The following RPSA2 variants were observed in gnomAD, a reference collection of about 807,000 sequenced individuals.
RPSA2 encodes small ribosomal subunit protein uS2B.
chr19:23,773,439 A>G, the RPSA2 span, among the ~76,000 whole-genome samples: 33 of 152,074 alleles, frequency 2.2e-4, no homozygotes, highest in South Asian at 6.9e-3. Flanking sequence ...ACGCACCACC[A>G]TGCCCAGATA....
chr19:23,763,815 G>C, the RPSA2 span, among the ~76,000 whole-genome samples: 1 of 152,090 alleles, frequency 6.6e-6, no homozygotes, highest in African/African-American at 2.4e-5. Context: ...ACCTTAAAGA[G>C]GTTATTTGAG....
At chr19:23,775,537 C>T in the RPSA2 span, among the ~76,000 whole-genome samples, 1 of 152,212 alleles carries the variant, frequency 6.6e-6, no homozygotes, top group South Asian at 2.1e-4. Context: ...TCTAACTAGG[C>T]TCAGTGTAGA....
At chr19:23,810,436 A>G in the RPSA2 span, among the ~76,000 whole-genome samples, 13 of 7,998 alleles carry the variant, frequency 1.6e-3, 6 homozygotes, top group South Asian at 0.025. Context: ...AAGGGCTTGG[A>G]TAGTTGTAGT....
chr19:23,791,282 G>A, the RPSA2 span, among the ~76,000 whole-genome samples: 3 of 152,164 alleles, frequency 2.0e-5, no homozygotes, highest in African/African-American at 4.8e-5. Context: ...TTACAGGCAT[G>A]AGTCACTGCG....
At chr19:23,851,289 C>G in the RPSA2 span, among the ~76,000 whole-genome samples, 1 of 152,178 alleles carries the variant, frequency 6.6e-6, no homozygotes, top group Non-Finnish European at 1.5e-5. Context: ...CAGCAGTGGA[C>G]AGTAAGCTTA....
the RPSA2 span, among the ~76,000 whole-genome samples, chr19:23,797,433 G>T: frequency 6.6e-6 from 1 of 152,078 alleles, no homozygotes. Context: ...GTTCTTATTT[G>T]TTTAAAAGAA....
chr19:23,870,573 TC>T, the RPSA2 span, among the ~76,000 whole-genome samples: 2 of 152,196 alleles, frequency 1.3e-5, no homozygotes, highest in African/African-American at 4.8e-5. Flanking sequence ...GTTTCAGCCT[TC>T]TTTAGAAGCC....
the RPSA2 span, among the ~76,000 whole-genome samples, chr19:23,867,746 C>T: frequency 2.7e-5 from 4 of 149,762 alleles, no homozygotes; most frequent in East Asian, 2.0e-4. Flanking sequence ...AGGAGAATGG[C>T]GTGAACCCGG....
the RPSA2 span, among the ~76,000 whole-genome samples, chr19:23,783,382 AC>A: frequency 6.6e-6 from 1 of 151,996 alleles, no homozygotes; most frequent in Non-Finnish European, 1.5e-5. Flanking sequence ...GGCAGGTGCC[AC>A]CACACCTGGC....
the RPSA2 span, among the ~76,000 whole-genome samples, chr19:23,770,725 G>GTAT: frequency 1.3e-5 from 2 of 152,066 alleles, no homozygotes; most frequent in Non-Finnish European, 2.9e-5. Flanking sequence ...ACTGGGCCTA[G>GTAT]CATCTAGGTG....
chr19:23,788,958 T>A, the RPSA2 span, among the ~76,000 whole-genome samples: 1 of 151,268 alleles, frequency 6.6e-6, no homozygotes, highest in Non-Finnish European at 1.5e-5. Context: ...AACATATCAC[T>A]GGGCCCAGCA....
chr19:23,813,252 T>A, the RPSA2 span, among the ~76,000 whole-genome samples: 4 of 103,350 alleles, frequency 3.9e-5, no homozygotes, highest in Admixed American at 1.9e-4. Flanking sequence ...AAAAAAAAGT[T>A]GTGTATTTCA....
chr19:23,794,752 TC>T, the RPSA2 span, among the ~76,000 whole-genome samples: 1 of 152,222 alleles, frequency 6.6e-6, no homozygotes, highest in Non-Finnish European at 1.5e-5. Context: ...CATCATGAAA[TC>T]TCTGCCAGTT....
chr19:23,865,686 G>A, the RPSA2 span, among the ~76,000 whole-genome samples: 1 of 152,178 alleles, frequency 6.6e-6, no homozygotes, highest in Non-Finnish European at 1.5e-5. Context: ...AATAACAGAA[G>A]TAGAAACCCC....
At chr19:23,841,325 G>A in the RPSA2 span, among the ~76,000 whole-genome samples, 32 of 151,850 alleles carry the variant, frequency 2.1e-4, no homozygotes, top group African/African-American at 6.5e-4. Flanking sequence ...TCAGCTGGGC[G>A]TGGTGGTGGG....
the RPSA2 span, among the ~76,000 whole-genome samples, chr19:23,761,904 C>CTTTA: frequency 3.8e-5 from 1 of 26,642 alleles, no homozygotes; most frequent in African/African-American, 1.2e-4. Flanking sequence ...TAACGTAATT[C>CTTTA]TTTCTTTCTT....
At chr19:23,758,917 GC>G in the RPSA2 span, 3 of 825,036 alleles carry the variant, frequency 3.6e-6, no homozygotes, top group Non-Finnish European at 5.8e-6. Context: ...CCCGGAAGCC[GC>G]CCTGTCTGCT....
At chr19:23,802,714 CAT>C in the RPSA2 span, among the ~76,000 whole-genome samples, 1 of 151,754 alleles carries the variant, frequency 6.6e-6, no homozygotes, top group Admixed American at 6.6e-5. Context: ...GATTCCATTT[CAT>C]ATAGTCATTA....
chr19:23,758,946 T>C, the RPSA2 span: 2 of 665,066 alleles, frequency 3.0e-6, no homozygotes, highest in Non-Finnish European at 5.2e-6. Flanking sequence ...CATGCCTGAT[T>C]GGACAGTTCC....
Sources: allele counts gnomAD v4.1 joint callset (sites outside exome capture counted in the v4.1 genomes callset), GRCh38; gene constraint gnomAD v4.1.1; transcripts MANE v1.5; gene names NCBI Gene and HGNC (gene_info 2026-07-23, HGNC 2026-07-21).